MYO10: variants seen among roughly 807,000 people sequenced by gnomAD.
MYO10 encodes the protein unconventional myosin-X.
Under a neutral mutation model 257.3 loss-of-function variants are expected in MYO10, and 133 were observed. That is an observed-to-expected ratio of 0.52 (90% CI 0.45 to 0.60). MYO10 has a LOEUF of 0.60. Ranked by LOEUF, MYO10 falls within the 20% of genes least tolerant of loss-of-function variation. The pLI, the probability that MYO10 is intolerant of heterozygous loss-of-function variation, is 0.00. For synonymous variants in MYO10, 1,104 were observed against 1,028.6 expected (o/e 1.07, Z -1.40); for missense variants, 2,399 against 2,635.7 (o/e 0.91, Z 1.97).
Position 16,701,804 on chromosome 5 carries a change from G to A in MYO10, c.2591C>T (p.Ala864Val), listed in dbSNP as rs539711647. ...AGCTTCCTTCTGGCTCTTCTGCAAG[G>A]CTTCGAGTTCTTGCTGCTTCCTCGT... The part of the protein sequence containing the change: ...EETRKQQELE[A>V]LQKSQKEAEL... The change falls in exon 25 of 41, where the codon GCC becomes GTC. Residue 864 changes from alanine (A) to valine (V), a missense_variant. By Grantham distance (64) the Ala-to-Val change is moderately conservative (BLOSUM62 0). Coordinates refer to ENST00000513610, the MANE Select transcript of MYO10 (RefSeq NM_012334.3). This position sits in a 1 kb window ranked among gnomAD's most constrained non-coding sequence, Gnocchi z 8.1. 2 of 1,608,592 alleles carry A rather than the reference G, an allele frequency of 1.2e-6. No homozygotes were observed. The highest frequency in any genetic ancestry group is 1.7e-6 in the Non-Finnish European group (2 of 1,178,324).
Position 16,674,908 on chromosome 5 carries a change from A to T in MYO10, c.4909T>A (p.Cys1637Ser), listed in dbSNP as rs1561170673. 3.7e-6 allele frequency: 6 copies of T among 1,614,034 alleles called. No individual in the cohort carries two copies. The highest frequency in any genetic ancestry group is 3.4e-6 in the Non-Finnish European group (4 of 1,179,888). ...YSWQILTCLSCTFLPSRGILK... is the reference protein window; with the variant it reads ...YSWQILTCLSSTFLPSRGILK... ...ATCCCTCGACTCGGCAGGAAGGTGC[A>T]GCTCAGGCATGTCAGGATCTGCCAG... The change falls in exon 35 of 41, where the codon TGC becomes AGC. Residue 1637 changes from cysteine to serine, a missense_variant. Coordinates refer to ENST00000513610, the MANE Select transcript of MYO10 (RefSeq NM_012334.3).
chr5:16,908,698 T>G (rs1745579138), intron 1 of MYO10, among the ~76,000 whole-genome samples: 1 of 152,164 alleles, frequency 6.6e-6, no homozygotes, highest in Non-Finnish European at 1.5e-5. Context: ...ACACATTATA[T>G]ATAGATAGAT....
intron 3 of MYO10, among the ~76,000 whole-genome samples, chr5:16,802,164 G>C (rs1397247309): frequency 6.6e-6 from 1 of 152,174 alleles, no homozygotes; most frequent in African/African-American, 2.4e-5. Context: ...AAGGGTGGTT[G>C]CCAGGGGCTG....
intron 9 of MYO10, among the ~76,000 whole-genome samples, chr5:16,772,682 A>G (rs1338525494): frequency 1.3e-5 from 2 of 152,214 alleles, no homozygotes; most frequent in Non-Finnish European, 2.9e-5. Flanking sequence ...CTGGCAATAA[A>G]TACTTTTACA....
At chr5:16,895,937 G>A (rs1580125843) in intron 1 of MYO10, among the ~76,000 whole-genome samples, 1 of 152,200 alleles carries the variant, frequency 6.6e-6, no homozygotes, top group Admixed American at 6.5e-5. Context: ...GCAGGGAGGA[G>A]CAGGGCAGGA....
At chr5:16,881,494 A>T (rs1744753720) in intron 1 of MYO10, among the ~76,000 whole-genome samples, 1 of 152,212 alleles carries the variant, frequency 6.6e-6, no homozygotes, top group Non-Finnish European at 1.5e-5. Context: ...AGCAACTTTT[A>T]CAAAATCCAG....
Position 16,783,333 on chromosome 5 carries a change from A to C in MYO10, c.602+2T>G. The C allele has an allele frequency of 6.4e-7, 1 of 1,567,460 alleles. No homozygotes were observed. Among genetic ancestry groups the C allele is most frequent in the Admixed American group, 2.0e-5 (1 of 49,520 alleles). Reference sequence around the variant, plus strand: ...GTTGGAAACAAGAAAATCAATAAATACCTGCTTTCAAGAATAGCTCGTTCA... The same window carrying C: ...GTTGGAAACAAGAAAATCAATAAATCCCTGCTTTCAAGAATAGCTCGTTCA... On this transcript the variant is annotated splice_donor_variant, in intron 5 of 40. Coordinates refer to ENST00000513610, the MANE Select transcript of MYO10 (RefSeq NM_012334.3). LOFTEE classifies it high-confidence loss of function.
Position 16,672,779 on chromosome 5 carries a change from T to C in MYO10, c.5219A>G (p.Asn1740Ser). Reference protein sequence around the residue: ...IRGLAMEDSRNMFALFEYNGH... With the variant: ...IRGLAMEDSRSMFALFEYNGH... Reference sequence around the variant, plus strand: ...GTTGTATTCAAACAAAGCAAACATGTTCCTGCTGTCCTCCATGGCCAGGCC... The same window carrying C: ...GTTGTATTCAAACAAAGCAAACATGCTCCTGCTGTCCTCCATGGCCAGGCC... The change falls in exon 37 of 41, where the codon AAC becomes AGC. Residue 1740 changes from asparagine (N) to serine (S), a missense_variant. Around this residue, in one of 3 missense-constraint regions of MYO10, gnomAD observed 1,820 missense variants for 1,939.4 expected, o/e 0.94. Coordinates refer to ENST00000513610, the MANE Select transcript of MYO10 (RefSeq NM_012334.3). 1 of 1,613,906 alleles carries C rather than the reference T, an allele frequency of 6.2e-7. No individual in the cohort carries two copies. Among genetic ancestry groups the C allele is most frequent in the Non-Finnish European group, 8.5e-7 (1 of 1,179,834 alleles).
Position 16,779,444 on chromosome 5 carries a change from T to C in MYO10, c.930+101A>G, listed in dbSNP as rs75753345. ...CCACTGGTCCAAATGGAATTACTTC[T>C]ATTTCTATTTAAAAAAATCTTTTGA... On this transcript the variant is annotated intron_variant, in intron 9 of 40. Transcript: ENST00000513610. 178 of 652,618 alleles carry C rather than the reference T, an allele frequency of 2.7e-4. 1 individual carries two copies. The East Asian group carries it at 5.3e-3, about 20-fold the overall frequency. The allele number at this position is 652,618 out of a possible 1,614,324, so 40.4% of individuals were successfully genotyped here. A position where few individuals can be genotyped will look rare whatever the true frequency, so the allele number is the denominator to read the frequency against.
chr5:16,697,709 AG>A lies in MYO10; in HGVS notation c.3556+1740del, dbSNP rs1428142119. Among the ~76,000 whole-genome samples, 7 of 127,988 alleles carry A rather than the reference AG, an allele frequency of 5.5e-5. No individual in the cohort carries two copies. The South Asian group carries it at 1.3e-3, about 23-fold the overall frequency. The allele number at this position is 127,988 out of a possible 152,430, so 84.0% of individuals were successfully genotyped here. A position where few individuals can be genotyped will look rare whatever the true frequency, so the allele number is the denominator to read the frequency against. On this transcript the variant is annotated intron_variant, in intron 26 of 40. Transcript: ENST00000513610. ...CAAGATCCTGTCTCAAAAAAAAAAAAGGTTTTCATGGTGGTGAAGACAAAAA... is the reference window on the plus strand; with the variant it reads ...CAAGATCCTGTCTCAAAAAAAAAAAAGTTTTCATGGTGGTGAAGACAAAAA...
intron 1 of MYO10, among the ~76,000 whole-genome samples, chr5:16,904,476 C>G (rs1745466927): frequency 6.6e-6 from 1 of 152,198 alleles, no homozygotes; most frequent in Non-Finnish European, 1.5e-5. Flanking sequence ...AAATGGGGAG[C>G]AGACTTACAG....
intron 17 of MYO10, among the ~76,000 whole-genome samples, chr5:16,758,523 C>T (rs1474694144): frequency 6.6e-6 from 1 of 152,192 alleles, no homozygotes; most frequent in Non-Finnish European, 1.5e-5. Context: ...CCATCTAAGC[C>T]TCTGTAGCCT....
At chr5:16,732,566 G>T (rs1448902283) in intron 19 of MYO10, among the ~76,000 whole-genome samples, 1 of 152,126 alleles carries the variant, frequency 6.6e-6, no homozygotes, top group Non-Finnish European at 1.5e-5. Context: ...AAATTAGGAG[G>T]GCAGCTGTCT....
chr5:16,894,753 T>A (rs1168322558), intron 1 of MYO10, among the ~76,000 whole-genome samples: 1 of 152,108 alleles, frequency 6.6e-6, no homozygotes, highest in Non-Finnish European at 1.5e-5. Context: ...GGAGGACTAA[T>A]GTGGGGATAC....
intron 9 of MYO10, among the ~76,000 whole-genome samples, chr5:16,778,417 G>A (rs574393833): frequency 6.6e-6 from 1 of 152,150 alleles, no homozygotes; most frequent in East Asian, 1.9e-4. Flanking sequence ...CAAATGCTTA[G>A]GCAGATAAAA....
intron 15 of MYO10, among the ~76,000 whole-genome samples, 197 bp from the exon 16 acceptor site, chr5:16,762,310 A>T (rs1740741790): frequency 6.6e-6 from 1 of 152,162 alleles, no homozygotes; most frequent in Non-Finnish European, 1.5e-5. Flanking sequence ...TCATTATAAT[A>T]GATTAACAAT....
rs141186585 is a variant in MYO10, at chr5:16,793,781, T to A, written c.467+865A>T. Reference sequence around the variant, plus strand: ...TCCGTCTCTACTAAAAATGCAAAATTAGCTGGGGTGGTGGCGACGCATGCC... The same window carrying A: ...TCCGTCTCTACTAAAAATGCAAAATAAGCTGGGGTGGTGGCGACGCATGCC... On this transcript the variant is annotated intron_variant, in intron 4 of 40. Coordinates refer to ENST00000513610, the MANE Select transcript of MYO10 (RefSeq NM_012334.3). Among the ~76,000 whole-genome samples the A allele has an allele frequency of 4.3e-3, 650 of 151,958 alleles. 9 individuals carry two copies. Among genetic ancestry groups the A allele is most frequent in the Non-Finnish European group, 7.4e-3 (506 of 67,956 alleles).
At chr5:16,699,352 A>AT in intron 26 of MYO10, 98 bp downstream of exon 26, 1 of 1,469,240 alleles carries the variant, frequency 6.8e-7, no homozygotes. Context: ...CCCAGATACA[A>AT]TAACACCTCC....
intron 19 of MYO10, among the ~76,000 whole-genome samples, chr5:16,754,330 C>G (rs1740466302): frequency 6.6e-6 from 1 of 152,030 alleles, no homozygotes; most frequent in South Asian, 2.1e-4. Flanking sequence ...ATACTTATGA[C>G]AACCTTTAGA....
Sources: allele counts gnomAD v4.1 joint callset (sites outside exome capture counted in the v4.1 genomes callset), GRCh38; gene constraint gnomAD v4.1.1; regional missense constraint gnomAD v4.1.1; non-coding constraint Gnocchi (gnomAD v3.1); transcripts MANE v1.5; gene names NCBI Gene and HGNC (gene_info 2026-07-23, HGNC 2026-07-21).